Variants in USH2A observed in about 807,000 individuals in gnomAD.
The protein encoded by USH2A is usherin.
A neutral mutation model predicts 538.9 loss-of-function variants in USH2A; 443 were observed. The ratio of observed to expected loss-of-function variants is 0.82; its 90% confidence interval spans 0.76 to 0.89. The LOEUF is 0.89. USH2A is among the 40% of genes least tolerant of loss of function. USH2A has a pLI of 0.00. For synonymous variants in USH2A, 2,413 were observed against 2,273.5 expected (o/e 1.06, Z -1.75); for missense variants, 6,633 against 6,324.8 (o/e 1.05, Z -1.65).
chr1:216,288,497 C>A (rs1420176221), intron 11 of USH2A, among the ~76,000 whole-genome samples: 1 of 152,078 alleles, frequency 6.6e-6, no homozygotes, highest in South Asian at 2.1e-4. Context: ...ATTATGTTCA[C>A]AATATAACTT....
chr1:216,328,056 T>G (rs1338440486), intron 4 of USH2A, among the ~76,000 whole-genome samples: 1 of 152,146 alleles, frequency 6.6e-6, no homozygotes, highest in Non-Finnish European at 1.5e-5. Flanking sequence ...AAAAGGAAGA[T>G]TCCTCACTCT....
intron 32 of USH2A, 91 bp from the exon 33 acceptor site, chr1:216,000,653 T>C: frequency 2.7e-6 from 4 of 1,504,608 alleles, no homozygotes; most frequent in Non-Finnish European, 1.8e-6. Flanking sequence ...TCTCAGAGAA[T>C]TGTTAAGATA....
At chr1:215,679,415 G>C (rs1319565453) in intron 62 of USH2A, among the ~76,000 whole-genome samples, 1 of 152,196 alleles carries the variant, frequency 6.6e-6, no homozygotes. Context: ...GAGGGCCTAA[G>C]AGATGGACCA....
At chr1:216,118,811 C>T (rs960891389) in intron 21 of USH2A, among the ~76,000 whole-genome samples, 1 of 152,194 alleles carries the variant, frequency 6.6e-6, no homozygotes, top group Non-Finnish European at 1.5e-5. Context: ...TGTCAGCCAC[C>T]CATTAAAGAC....
chr1:215,645,016 G>A (rs2797229), intron 67 of USH2A, among the ~76,000 whole-genome samples: 83,679 of 152,068 alleles, frequency 0.55, 24,867 homozygotes, highest in Non-Finnish European at 0.67. Flanking sequence ...TATTTCAGAC[G>A]GAAGAAGGAC....
At chr1:215,769,863 TG>T (rs909153710) in intron 55 of USH2A, among the ~76,000 whole-genome samples, 1 of 151,914 alleles carries the variant, frequency 6.6e-6, no homozygotes, top group African/African-American at 2.4e-5. Flanking sequence ...AGGATGAGAG[TG>T]GGAGACATGT....
Position 215,681,332 on chromosome 1 carries a change from A to AACACACACACAC in USH2A, c.12067-968_12067-957dup, listed in dbSNP as rs10625816. 1.9e-3 allele frequency among the ~76,000 whole-genome samples: 279 copies of AACACACACACAC among 148,188 alleles called. 1 individual carries two copies. The highest frequency in any genetic ancestry group is 6.7e-3 in the African/African-American group (272 of 40,440). The stretch of plus-strand genomic sequence containing the variant: ...GTTCATAGGTAAACACACACACACG[A>AACACACACACAC]ACACACACACACACACACACACACA... On this transcript the variant is annotated intron_variant, in intron 61 of 71. Coordinates refer to ENST00000307340, the MANE Select transcript of USH2A (RefSeq NM_206933.4).
intron 43 of USH2A, 99 bp downstream of exon 43, chr1:215,877,659 T>C: frequency 6.4e-7 from 1 of 1,556,010 alleles, no homozygotes; most frequent in Admixed American, 1.7e-5. Flanking sequence ...GCATAACTGA[T>C]AACACGCTCA....
Position 215,634,718 on chromosome 1 carries a change from G to A in USH2A, c.15053-15C>T, listed in dbSNP as rs1172842887. On this transcript the variant is annotated splice_polypyrimidine_tract_variant and intron_variant, in intron 69 of 71. Coordinates refer to ENST00000307340, the MANE Select transcript of USH2A (RefSeq NM_206933.4). ...TAGGACCAAGCCTGCAAAACCCAGA[G>A]AAAGAAAGGGGAAATGTTATTTCAG... is the stretch of plus-strand genomic sequence containing the variant. 6.2e-7 allele frequency: 1 copy of A among 1,614,134 alleles called. No homozygotes were observed. Among genetic ancestry groups the A allele is most frequent in the Non-Finnish European group, 8.5e-7 (1 of 1,179,964 alleles).
chr1:215,785,932 TACACACACACACACAC>T (rs10638003), intron 52 of USH2A, among the ~76,000 whole-genome samples: 2 of 146,396 alleles, frequency 1.4e-5, no homozygotes, highest in African/African-American at 2.5e-5. Flanking sequence ...TGATAGATGA[TACACACACACACACAC>T]ACACACACAC....
At position 216,196,716 on chromosome 1, in the gene USH2A, A is replaced by G. The variant is rs748564325; in HGVS notation, c.4088T>C (p.Val1363Ala). The G allele has an allele frequency of 1.2e-6, 2 of 1,612,910 alleles. No homozygotes were observed. The highest frequency in any genetic ancestry group is 1.7e-5 in the Admixed American group (1 of 59,924). The change falls in exon 19 of 72, where the codon GTA becomes GCA. Residue 1363 changes from valine to alanine, a missense_variant. Coordinates refer to ENST00000307340, the MANE Select transcript of USH2A (RefSeq NM_206933.4). ...VSERTGESAPVFMIPPSVFPL... is the reference protein window; with the variant it reads ...VSERTGESAPAFMIPPSVFPL... ...AAAGACTGAAGGAGGGATCATGAAT[A>G]CAGGTGCTATCAATGAGAACAATAA...
rs150660603 is a variant in USH2A at position 216,048,138 on chromosome 1, G to A, written c.6163+396C>T. The stretch of plus-strand genomic sequence containing the variant: ...TTAAAAAAGACCATGGAAATCAACC[G>A]TTTGATTCTCAATTTCATACTGTGC... On this transcript the variant is annotated intron_variant, in intron 31 of 71. Coordinates refer to ENST00000307340, the MANE Select transcript of USH2A (RefSeq NM_206933.4). Among the ~76,000 whole-genome samples the A allele has an allele frequency of 2.4e-4, 37 of 152,194 alleles. No individual in the cohort carries two copies. In the East Asian group the frequency reaches 5.0e-3, roughly 21 times the overall value.
intron 32 of USH2A, among the ~76,000 whole-genome samples, chr1:216,023,296 G>A (rs1288805443): frequency 6.6e-6 from 1 of 151,700 alleles, no homozygotes; most frequent in African/African-American, 2.4e-5. Context: ...ATGTTTCTTA[G>A]ATGGACAATG....
chr1:215,739,186 A>G (rs143500317), intron 60 of USH2A, among the ~76,000 whole-genome samples: 267 of 152,310 alleles, frequency 1.8e-3, no homozygotes, highest in Non-Finnish European at 2.9e-3. Flanking sequence ...ACAGGCTACA[A>G]TTATGATTGT....
At chr1:216,318,916 AG>A (rs1224520792) in intron 9 of USH2A, among the ~76,000 whole-genome samples, 2 of 152,160 alleles carry the variant, frequency 1.3e-5, no homozygotes, top group Non-Finnish European at 2.9e-5. Flanking sequence ...AAATCATCCA[AG>A]AATCAGAAAA....
intron 7 of USH2A, 117 bp from the exon 8 acceptor site, chr1:216,323,812 A>C (rs1168300721): frequency 2.0e-6 from 2 of 976,134 alleles, no homozygotes; most frequent in East Asian, 5.1e-5. Context: ...TATTCATTCT[A>C]GGAAAAGCAT....
In USH2A at chr1:216,070,141, G is replaced by T; in HGVS notation, c.6009C>A (p.Pro2003=). 6.2e-7 allele frequency: 1 copy of T among 1,613,968 alleles called. No individual in the cohort carries two copies. Among genetic ancestry groups the T allele is most frequent in the Non-Finnish European group, 8.5e-7 (1 of 1,179,954 alleles). ...SEDSTRPPRM[P]SASAEFVNTS... is the part of the protein sequence containing the mutation. ...TATTGACAAATTCAGCACTGGCAGA[G>T]GGCATGCGGGGTGGACGGGTGCTGT... Residue 2003 remains proline (P), a synonymous_variant, in exon 30 of 72, where the codon CCC becomes CCA. Transcript: ENST00000307340.
chr1:215,833,739 AT>A (rs1663394916), intron 47 of USH2A, among the ~76,000 whole-genome samples: 1 of 152,038 alleles, frequency 6.6e-6, no homozygotes, highest in Non-Finnish European at 1.5e-5. Flanking sequence ...AAACACACAA[AT>A]AAGATAATTG....
At chr1:216,108,178 C>G (rs757219307) in intron 21 of USH2A, among the ~76,000 whole-genome samples, 1 of 151,702 alleles carries the variant, frequency 6.6e-6, no homozygotes, top group African/African-American at 2.4e-5. Context: ...TCATGATATA[C>G]TAACTCTTTC....
Sources: allele counts gnomAD v4.1 joint callset (sites outside exome capture counted in the v4.1 genomes callset), GRCh38; gene constraint gnomAD v4.1.1; transcripts MANE v1.5; gene names NCBI Gene and HGNC (gene_info 2026-07-23, HGNC 2026-07-21).